The following GPATCH8 variants were observed in gnomAD, a reference collection of about 807,000 sequenced individuals.
GPATCH8 encodes the protein G patch domain-containing protein 8.
GPATCH8 carries 18 observed loss-of-function variants against 118.3 expected under a neutral mutation model. The ratio of observed to expected loss-of-function variants is 0.15; its 90% CI spans 0.11 to 0.23. The LOEUF (loss-of-function observed/expected upper bound fraction) is 0.23. Among genes scored for constraint, GPATCH8 ranks in the 10% least tolerant of loss-of-function variants. The pLI, the probability that GPATCH8 is intolerant of heterozygous loss-of-function variation, is 1.00. For missense variants in GPATCH8, 1,631 were observed against 1,873.8 expected, an observed-to-expected ratio of 0.87 and a Z score of 2.39; for synonymous variants, 659 against 684.7, an observed-to-expected ratio of 0.96 and a Z score of 0.59.
Position 44,464,719 on chromosome 17 carries a change from G to T in GPATCH8, c.121-175C>A, listed in dbSNP as rs140366324. ...GAGGGACATTAATGTAAAAAGAAAA[G>T]CTGGCTAGTATTTTACATGGGAAGA... is the stretch of plus-strand genomic sequence containing the variant. On this transcript the variant is annotated intron_variant, in intron 2 of 7. Coordinates refer to ENST00000591680, the MANE Select transcript of GPATCH8 (RefSeq NM_001002909.4). 224 of 616,110 alleles carry T rather than the reference G, an allele frequency of 3.6e-4. 1 individual carries two copies. In the African/African-American group the frequency reaches 3.8e-3, roughly 10 times the overall value. 38.2% of individuals were successfully genotyped at this position (616,110 alleles called of 1,614,324 possible).
At chr17:44,405,737 C>T (rs2049196409) in intron 7 of GPATCH8, among the ~76,000 whole-genome samples, 184 bp downstream of exon 7, 1 of 152,050 alleles carries the variant, frequency 6.6e-6, no homozygotes, top group African/African-American at 2.4e-5. Flanking sequence ...ATCTCCTGAC[C>T]TCGTGATCCG....
At chr17:44,407,354 G>A (rs1014021444) in intron 6 of GPATCH8, 2 of 151,808 alleles carry the variant, frequency 1.3e-5, no homozygotes, top group African/African-American at 4.8e-5. Context: ...ATTACTACAC[G>A]AGCTCTCTTA....
intron 7 of GPATCH8, 29 bp downstream of exon 7, chr17:44,405,892 T>C: frequency 6.7e-7 from 1 of 1,489,594 alleles, no homozygotes. Context: ...TAATTATCTG[T>C]ACAACCCTCT....
chr17:44,503,038 G>A (rs1188217220), intron 1 of GPATCH8, among the ~76,000 whole-genome samples: 1 of 152,184 alleles, frequency 6.6e-6, no homozygotes, highest in African/African-American at 2.4e-5. Flanking sequence ...AGACCTGGAG[G>A]GCACAGCCCC....
Position 44,397,025 on chromosome 17 carries a change from G to A in GPATCH8, c.*543C>T, listed in dbSNP as rs750965213. 8.8e-6 allele frequency: 4 copies of A among 453,890 alleles called. No homozygotes were observed. Among genetic ancestry groups the A allele is most frequent in the African/African-American group, 2.0e-5 (1 of 49,930 alleles). The allele number at this position is 453,890 out of a possible 1,614,324, so 28.1% of individuals were successfully genotyped here. Reference sequence around the variant, plus strand: ...AGTTATATCAGGTTCCAGGTGAGACGCTTTCCACCTCACCTGGGATAACGT... The same window carrying A: ...AGTTATATCAGGTTCCAGGTGAGACACTTTCCACCTCACCTGGGATAACGT... On this transcript the variant is annotated 3_prime_UTR_variant, in exon 8 of 8. Coordinates refer to ENST00000591680, the MANE Select transcript of GPATCH8 (RefSeq NM_001002909.4).
intron 3 of GPATCH8, among the ~76,000 whole-genome samples, chr17:44,449,439 G>A (rs2051030203): frequency 6.6e-6 from 1 of 151,646 alleles, no homozygotes; most frequent in Non-Finnish European, 1.5e-5. Context: ...CTGAACTCAA[G>A]CCATCCTCCC....
intron 1 of GPATCH8, among the ~76,000 whole-genome samples, chr17:44,492,766 T>C (rs1408139070): frequency 6.6e-6 from 1 of 152,238 alleles, no homozygotes; most frequent in East Asian, 1.9e-4. Flanking sequence ...AAAGGTGTAA[T>C]GGTCAAGGAT....
chr17:44,427,885 A>G (rs2050145212), intron 5 of GPATCH8, among the ~76,000 whole-genome samples: 1 of 152,236 alleles, frequency 6.6e-6, no homozygotes, highest in African/African-American at 2.4e-5. Flanking sequence ...TTATAAAGGT[A>G]ACTAGAACAA....
intron 1 of GPATCH8, among the ~76,000 whole-genome samples, 170 bp downstream of exon 1, chr17:44,503,156 C>T (rs1479740539): frequency 6.6e-6 from 1 of 152,160 alleles, no homozygotes; most frequent in African/African-American, 2.4e-5. Context: ...CGAGGAGATG[C>T]GGCCTCCCTC....
intron 3 of GPATCH8, among the ~76,000 whole-genome samples, chr17:44,445,278 G>A (rs2050836372): frequency 6.6e-6 from 1 of 152,156 alleles, no homozygotes; most frequent in Non-Finnish European, 1.5e-5. Flanking sequence ...ACCAGTTTCA[G>A]TGAAGGAAAA....
intron 5 of GPATCH8, among the ~76,000 whole-genome samples, chr17:44,428,745 G>A (rs1382887333): frequency 2.0e-5 from 3 of 152,048 alleles, no homozygotes; most frequent in African/African-American, 7.2e-5. Context: ...CGAGGCTGCA[G>A]TAAGCTGTGA....
chr17:44,484,862 T>C (rs1968651586), intron 1 of GPATCH8, among the ~76,000 whole-genome samples: 1 of 152,132 alleles, frequency 6.6e-6, no homozygotes, highest in Non-Finnish European at 1.5e-5. Context: ...TTATTATGTA[T>C]TTGTTTGTGA....
intron 3 of GPATCH8, among the ~76,000 whole-genome samples, chr17:44,446,859 G>A (rs1007840086): frequency 1.3e-4 from 19 of 151,436 alleles, no homozygotes; most frequent in Non-Finnish European, 8.8e-5. Context: ...CTTAAAGACT[G>A]AGTCTCACTC....
chr17:44,415,619 G>A (rs1396163944), intron 6 of GPATCH8, among the ~76,000 whole-genome samples: 1 of 152,176 alleles, frequency 6.6e-6, no homozygotes, highest in Non-Finnish European at 1.5e-5. Flanking sequence ...AGTCATAAGA[G>A]CTGCCTGGGT....
In GPATCH8 at chr17:44,435,605, T is replaced by C. The variant is rs143080460; in HGVS notation, c.262-454A>G. Among the ~76,000 whole-genome samples, 626 of 149,994 alleles carry C rather than the reference T, an allele frequency of 4.2e-3. 5 individuals carry two copies. Among genetic ancestry groups the C allele is most frequent in the African/African-American group, 0.015 (608 of 41,224 alleles). The stretch of plus-strand genomic sequence containing the variant: ...ATTTTTTTTGTATTTTCAGTAGAGA[T>C]GGAGTTTCATCATGTTGGCCAGGCT... On this transcript the variant is annotated intron_variant, in intron 4 of 7. Transcript: ENST00000591680.
intron 3 of GPATCH8, among the ~76,000 whole-genome samples, chr17:44,463,396 T>A (rs998133311): frequency 5.3e-5 from 8 of 152,244 alleles, no homozygotes; most frequent in African/African-American, 1.9e-4. Flanking sequence ...AATTTTTTTC[T>A]TTTCTTTTGA....
chr17:44,501,532 A>C (rs1228578741), intron 1 of GPATCH8, among the ~76,000 whole-genome samples: 1 of 152,172 alleles, frequency 6.6e-6, no homozygotes, highest in Admixed American at 6.5e-5. Context: ...TGAAACCAAA[A>C]TCGGGTTTTG....
At chr17:44,420,844 T>C (rs1414343113) in intron 6 of GPATCH8, among the ~76,000 whole-genome samples, 2 of 152,136 alleles carry the variant, frequency 1.3e-5, no homozygotes, top group Non-Finnish European at 2.9e-5. Context: ...GTTTGAATTA[T>C]ACTTTTTCCT....
At chr17:44,466,372 C>CA (rs2051763800) in intron 2 of GPATCH8, among the ~76,000 whole-genome samples, 1 of 152,096 alleles carries the variant, frequency 6.6e-6, no homozygotes, top group Non-Finnish European at 1.5e-5. Flanking sequence ...CATATTGTTT[C>CA]AAATATACAT....
Sources: gnomAD v4.1 joint callset for allele counts (sites outside exome capture counted in the v4.1 genomes callset) on GRCh38, gnomAD v4.1.1 for gene constraint, MANE v1.5 for transcripts, NCBI Gene and HGNC (gene_info 2026-07-23, HGNC 2026-07-21) for gene names.